The following GRXCR1 variants were observed in gnomAD, a reference collection of about 807,000 sequenced individuals.
GRXCR1 encodes glutaredoxin and cysteine rich domain containing 1.
Under a neutral mutation model 27.3 loss-of-function variants are expected in GRXCR1, and 27 were observed. The observed-to-expected ratio is 0.99, with a 90% confidence interval of 0.73 to 1.37. The LOEUF is 1.37. Ranked by LOEUF, GRXCR1 falls within the 40% of genes most tolerant of loss-of-function variation. The pLI, the probability that GRXCR1 is intolerant of heterozygous loss-of-function variation, is 0.00. For synonymous variants in GRXCR1, 122 were observed against 131.1 expected (o/e 0.93, Z 0.47); for missense variants, 379 against 354.4 (o/e 1.07, Z -0.56).
chr4:42,953,239 A>G (rs1437478274), intron 1 of GRXCR1, among the ~76,000 whole-genome samples: 1 of 152,132 alleles, frequency 6.6e-6, no homozygotes, highest in Non-Finnish European at 1.5e-5. Context: ...AAGAAGTGGG[A>G]GTCTATTTCC....
chr4:42,975,607 C>A (rs1748501938), intron 2 of GRXCR1, among the ~76,000 whole-genome samples: 1 of 152,122 alleles, frequency 6.6e-6, no homozygotes, highest in Non-Finnish European at 1.5e-5. Context: ...AGTCCACGGT[C>A]TTACTGGAAA....
chr4:42,989,453 A>G (rs6853759), intron 2 of GRXCR1, among the ~76,000 whole-genome samples: 93 of 152,324 alleles, frequency 6.1e-4, no homozygotes, highest in South Asian at 1.4e-3. Context: ...GGGCTTAAAC[A>G]TATGAACTTT....
intron 2 of GRXCR1, among the ~76,000 whole-genome samples, chr4:43,006,849 G>A (rs907752058): frequency 1.3e-5 from 2 of 152,100 alleles, no homozygotes; most frequent in Admixed American, 6.6e-5. Context: ...ATCACGGAAC[G>A]TACTGACATG....
At chr4:42,957,981 G>A (rs969145849) in intron 1 of GRXCR1, among the ~76,000 whole-genome samples, 1 of 151,888 alleles carries the variant, frequency 6.6e-6, no homozygotes, top group Admixed American at 6.6e-5. Flanking sequence ...GCTTATAGAT[G>A]TCTGTCAATA....
At chr4:43,014,361 C>T (rs1409643601) in intron 2 of GRXCR1, among the ~76,000 whole-genome samples, 1 of 152,062 alleles carries the variant, frequency 6.6e-6, no homozygotes, top group African/African-American at 2.4e-5. Context: ...GTTGATGAAA[C>T]CTCCCATTTT....
chr4:43,021,808 A>T (rs753582559), intron 3 of GRXCR1, among the ~76,000 whole-genome samples: 1 of 152,182 alleles, frequency 6.6e-6, no homozygotes, highest in Non-Finnish European at 1.5e-5. Flanking sequence ...ACATACAGAG[A>T]GTAAATTTGT....
chr4:42,950,565 T>A (rs768226859), intron 1 of GRXCR1, among the ~76,000 whole-genome samples: 27 of 152,188 alleles, frequency 1.8e-4, no homozygotes, highest in Admixed American at 3.9e-4. Context: ...AGTAGGAATG[T>A]GGTTACCGGG....
intron 2 of GRXCR1, among the ~76,000 whole-genome samples, chr4:43,004,796 G>C (rs1301384332): frequency 6.6e-6 from 1 of 152,168 alleles, no homozygotes; most frequent in East Asian, 1.9e-4. Flanking sequence ...ATTTGTTTTT[G>C]ATTTTACAGG....
At chr4:42,998,959 C>T (rs548147697) in intron 2 of GRXCR1, among the ~76,000 whole-genome samples, 2 of 152,156 alleles carry the variant, frequency 1.3e-5, no homozygotes, top group African/African-American at 4.8e-5. Context: ...TATATTAGAT[C>T]CTTCTTGGCT....
chr4:43,003,264 T>C (rs1183755390), intron 2 of GRXCR1, among the ~76,000 whole-genome samples: 2 of 152,102 alleles, frequency 1.3e-5, no homozygotes, highest in Admixed American at 6.6e-5. Flanking sequence ...GTAACAAACC[T>C]GCACATTGTG....
At chr4:42,981,590 G>T (rs1404744673) in intron 2 of GRXCR1, among the ~76,000 whole-genome samples, 1 of 152,162 alleles carries the variant, frequency 6.6e-6, no homozygotes, top group Non-Finnish European at 1.5e-5. Flanking sequence ...TTAGCTTGAA[G>T]AACTTTGTCA....
chr4:42,948,054 G>A (rs1457957418), intron 1 of GRXCR1, among the ~76,000 whole-genome samples: 4 of 152,100 alleles, frequency 2.6e-5, no homozygotes, highest in African/African-American at 9.6e-5. Flanking sequence ...GTCGTTATTT[G>A]TTTTCTTTGA....
chr4:42,921,473 T>C (rs892446321), intron 1 of GRXCR1, among the ~76,000 whole-genome samples: 2 of 152,134 alleles, frequency 1.3e-5, no homozygotes, highest in African/African-American at 4.8e-5. Context: ...AATATCCAAC[T>C]GCAGGAAATA....
chr4:42,933,333 C>G (rs1747375444), intron 1 of GRXCR1, among the ~76,000 whole-genome samples: 1 of 151,850 alleles, frequency 6.6e-6, no homozygotes, highest in Non-Finnish European at 1.5e-5. Context: ...AGCTGGAGAA[C>G]AGCTGGAAGA....
intron 1 of GRXCR1, among the ~76,000 whole-genome samples, chr4:42,916,604 T>C (rs1746891957): frequency 2.0e-5 from 3 of 152,164 alleles, no homozygotes; most frequent in South Asian, 4.1e-4. Context: ...ATATGAATGA[T>C]GTTGCATTCT....
chr4:42,935,495 T>G (rs151215842), intron 1 of GRXCR1, among the ~76,000 whole-genome samples: 331 of 151,922 alleles, frequency 2.2e-3, no homozygotes, highest in Non-Finnish European at 2.4e-3. Flanking sequence ...TAAGCTAGGC[T>G]TGGAAAGATG....
At chr4:42,941,527 T>G (rs1015012159) in intron 1 of GRXCR1, among the ~76,000 whole-genome samples, 2 of 152,024 alleles carry the variant, frequency 1.3e-5, no homozygotes, top group Non-Finnish European at 2.9e-5. Context: ...CCCACATTTG[T>G]TTTTCAGCTC....
At chr4:43,021,673 T>C (rs1324971201) in intron 3 of GRXCR1, among the ~76,000 whole-genome samples, 1 of 152,166 alleles carries the variant, frequency 6.6e-6, no homozygotes, top group East Asian at 1.9e-4. Context: ...CAATAGAGTA[T>C]GTTTAGACAT....
chr4:43,014,293 C>A (rs892126284), intron 2 of GRXCR1, among the ~76,000 whole-genome samples: 5 of 152,096 alleles, frequency 3.3e-5, no homozygotes, highest in Non-Finnish European at 7.4e-5. Context: ...AGATCCAGAG[C>A]TGATTTCTGA....
Sources: allele counts gnomAD v4.1 joint callset (sites outside exome capture counted in the v4.1 genomes callset), GRCh38; gene constraint gnomAD v4.1.1; transcripts MANE v1.5; gene names NCBI Gene and HGNC (gene_info 2026-07-23, HGNC 2026-07-21).